FRMD4A: variants seen among roughly 807,000 people sequenced by gnomAD.
The protein encoded by FRMD4A is FERM domain-containing protein 4A.
FRMD4A carries 29 observed loss-of-function variants against 129.1 expected under a neutral mutation model. The ratio of observed to expected loss-of-function variants is 0.22; its 90% CI spans 0.17 to 0.31. FRMD4A has a LOEUF of 0.31. FRMD4A is among the 10% of genes least tolerant of loss of function. The pLI is 1.00. For missense variants in FRMD4A, 1,272 were observed against 1,375.8 expected, an observed-to-expected ratio of 0.92 and a Z score of 1.19; for synonymous variants, 634 against 571.6, an observed-to-expected ratio of 1.11 and a Z score of -1.56.
At chr10:14,282,460 G>T (rs374146240) in intron 2 of FRMD4A, among the ~76,000 whole-genome samples, 2 of 152,090 alleles carry the variant, frequency 1.3e-5, no homozygotes, top group Admixed American at 6.5e-5. Flanking sequence ...ATGAGTAATC[G>T]CCTTGCGTTA....
chr10:13,749,706 A>G (rs1445067407), intron 8 of FRMD4A, among the ~76,000 whole-genome samples: 2 of 152,120 alleles, frequency 1.3e-5, no homozygotes, highest in Non-Finnish European at 2.9e-5. Context: ...AGAAAGAATG[A>G]GGCCAGGCGT....
chr10:13,991,695 T>C (rs1467379567), intron 2 of FRMD4A: 2 of 152,666 alleles, frequency 1.3e-5, no homozygotes, highest in African/African-American at 4.8e-5. Flanking sequence ...GGAAGTAGCA[T>C]ACTTTGTTCT....
chr10:14,286,017 G>GAT (rs1390876122), intron 2 of FRMD4A, among the ~76,000 whole-genome samples: 1 of 152,212 alleles, frequency 6.6e-6, no homozygotes, highest in Non-Finnish European at 1.5e-5. Flanking sequence ...GAGTTCCCAA[G>GAT]ATATCACAGC....
At chr10:13,727,665 C>T (rs184892389) in intron 12 of FRMD4A, 6 of 152,350 alleles carry the variant, frequency 3.9e-5, no homozygotes, top group African/African-American at 7.2e-5. Context: ...CCCAGGGAAT[C>T]GTATGTACAA....
At chr10:14,088,305 G>A (rs1304887951) in intron 2 of FRMD4A, among the ~76,000 whole-genome samples, 1 of 151,894 alleles carries the variant, frequency 6.6e-6, no homozygotes, top group Non-Finnish European at 1.5e-5. Flanking sequence ...CATTTAGCGG[G>A]CTGTGGTGGT....
chr10:14,123,488 G>T (rs1302506182), intron 2 of FRMD4A, among the ~76,000 whole-genome samples: 1 of 152,218 alleles, frequency 6.6e-6, no homozygotes, highest in Non-Finnish European at 1.5e-5. Context: ...CCTTCTTCCT[G>T]CATAGGAAAA....
chr10:13,896,176 C>T (rs12249839), intron 2 of FRMD4A, among the ~76,000 whole-genome samples: 23,061 of 152,102 alleles, frequency 0.15, 1,923 homozygotes, highest in African/African-American at 0.19. Flanking sequence ...TTGGTATATA[C>T]CCAAAGGATT....
rs66980805 is a variant in FRMD4A at position 13,925,566 on chromosome 10, C to CTTT, written c.46-66657_46-66655dup. ...TGAAAGTTTCTATTGTAGTGAAACG[C>CTTT]TTTTTTTTTTTTTTTTTTTTTTTTT... On this transcript the variant is annotated intron_variant, in intron 2 of 24. Transcript: ENST00000357447. Among the ~76,000 whole-genome samples, 579 of 61,902 alleles carry CTTT rather than the reference C, an allele frequency of 9.4e-3. 111 individuals carry two copies. The highest frequency in any genetic ancestry group is 0.022 in the African/African-American group (314 of 13,980). 40.6% of individuals were successfully genotyped at this position (61,902 alleles called of 152,430 possible). A position where few individuals can be genotyped will look rare whatever the true frequency, so the allele number is the denominator to read the frequency against.
intron 2 of FRMD4A, among the ~76,000 whole-genome samples, chr10:13,973,586 C>G (rs1424706779): frequency 6.6e-6 from 1 of 152,068 alleles, no homozygotes; most frequent in Non-Finnish European, 1.5e-5. Flanking sequence ...GTGTACTATT[C>G]CCTTATTTTT....
intron 2 of FRMD4A, among the ~76,000 whole-genome samples, chr10:14,291,353 G>A (rs1234369781): frequency 6.6e-6 from 1 of 152,110 alleles, no homozygotes; most frequent in Non-Finnish European, 1.5e-5. Context: ...AACAGCACAT[G>A]GGTTTTATTT....
chr10:14,117,529 C>T (rs1414615987), intron 2 of FRMD4A, among the ~76,000 whole-genome samples: 1 of 152,102 alleles, frequency 6.6e-6, no homozygotes, highest in Non-Finnish European at 1.5e-5. Flanking sequence ...TAGCAGCCTG[C>T]TTCATTGAGC....
intron 2 of FRMD4A, among the ~76,000 whole-genome samples, chr10:13,910,100 G>C (rs1728142713): frequency 6.6e-6 from 1 of 152,214 alleles, no homozygotes; most frequent in Non-Finnish European, 1.5e-5. Flanking sequence ...TGACTGTGAA[G>C]TGATGTCTAG....
chr10:14,101,646 C>T (rs1837307959), intron 2 of FRMD4A, among the ~76,000 whole-genome samples: 1 of 152,098 alleles, frequency 6.6e-6, no homozygotes, highest in Non-Finnish European at 1.5e-5. Context: ...TTATGTCATA[C>T]CTTATCCATA....
At chr10:13,849,100 T>C (rs1056966848) in intron 3 of FRMD4A, among the ~76,000 whole-genome samples, 3 of 152,128 alleles carry the variant, frequency 2.0e-5, no homozygotes, top group Admixed American at 1.3e-4. Flanking sequence ...TAAATGATGA[T>C]GGGATCGCAG....
At chr10:13,939,842 C>G (rs1178883928) in intron 2 of FRMD4A, among the ~76,000 whole-genome samples, 1 of 152,172 alleles carries the variant, frequency 6.6e-6, no homozygotes, top group Non-Finnish European at 1.5e-5. Flanking sequence ...AAAAGGTTTT[C>G]CCATCTCATC....
At chr10:13,882,670 C>T (rs1057138499) in intron 2 of FRMD4A, among the ~76,000 whole-genome samples, 9 of 152,210 alleles carry the variant, frequency 5.9e-5, no homozygotes, top group African/African-American at 1.9e-4. Flanking sequence ...GTGCCCTCTT[C>T]ATCCTCACTG....
At chr10:14,309,042 A>T (rs1395192478) in intron 2 of FRMD4A, among the ~76,000 whole-genome samples, 7 of 152,346 alleles carry the variant, frequency 4.6e-5, no homozygotes, top group African/African-American at 1.7e-4. Context: ...TGAAAAAATA[A>T]AAAGCACTTT....
chr10:13,913,916 A>G (rs2094970840), intron 2 of FRMD4A, among the ~76,000 whole-genome samples: 1 of 152,202 alleles, frequency 6.6e-6, no homozygotes, highest in Non-Finnish European at 1.5e-5. Context: ...AGGATAGAGG[A>G]CGGGGAGACG....
At chr10:14,225,791 G>A (rs563683385) in intron 2 of FRMD4A, among the ~76,000 whole-genome samples, 5 of 152,202 alleles carry the variant, frequency 3.3e-5, no homozygotes, top group African/African-American at 4.8e-5. Flanking sequence ...ATGTGTATCT[G>A]TTCTACCTGC....
Sources: allele counts gnomAD v4.1 joint callset (sites outside exome capture counted in the v4.1 genomes callset), GRCh38; gene constraint gnomAD v4.1.1; transcripts MANE v1.5; gene names NCBI Gene and HGNC (gene_info 2026-07-23, HGNC 2026-07-21).